Variants in PSD3 observed in about 807,000 individuals in gnomAD.
PSD3 encodes PH and SEC7 domain-containing protein 3.
In PSD3, 49 loss-of-function variants were observed where a neutral mutation model predicts 105.5. The ratio of observed to expected loss-of-function variants is 0.46; its 90% CI spans 0.37 to 0.59. The LOEUF (loss-of-function observed/expected upper bound fraction) is 0.59. PSD3 is among the 20% of genes least tolerant of loss of function. The probability of loss-of-function intolerance (pLI) is 0.00; values close to 1 mark genes in which losing one functional copy is unlikely to be tolerated. For missense variants in PSD3, 1,561 were observed against 1,263.8 expected, an observed-to-expected ratio of 1.24 and a Z score of -3.57; for synonymous variants, 557 against 457.8, an observed-to-expected ratio of 1.22 and a Z score of -2.77.
At chr8:18,782,999 G>C (rs1464202159) in intron 8 of PSD3, among the ~76,000 whole-genome samples, 3 of 152,174 alleles carry the variant, frequency 2.0e-5, no homozygotes, top group Admixed American at 2.0e-4. Flanking sequence ...TTTGGTATCA[G>C]GGTAATAGTG....
chr8:18,854,532 C>T (rs1815849336), intron 4 of PSD3, among the ~76,000 whole-genome samples: 2 of 152,214 alleles, frequency 1.3e-5, no homozygotes, highest in Non-Finnish European at 2.9e-5. Context: ...GGAAAGGAGA[C>T]ATTTGTCCAG....
intron 4 of PSD3, among the ~76,000 whole-genome samples, chr8:18,832,773 G>C (rs1226370838): frequency 6.6e-6 from 1 of 152,196 alleles, no homozygotes; most frequent in East Asian, 1.9e-4. Flanking sequence ...TTACATGGTG[G>C]CAGGCAAAAG....
At chr8:19,053,573 C>T (rs537086328) in intron 1 of PSD3, among the ~76,000 whole-genome samples, 5 of 152,074 alleles carry the variant, frequency 3.3e-5, no homozygotes, top group East Asian at 1.9e-4. Context: ...CCAAGGCAGC[C>T]GGATCACTTG....
chr8:18,738,474 T>G (rs528790554), intron 9 of PSD3, among the ~76,000 whole-genome samples: 56 of 152,342 alleles, frequency 3.7e-4, no homozygotes, highest in African/African-American at 1.2e-3. Flanking sequence ...ATACTGTGAA[T>G]AGTTGCTTTT....
chr8:18,722,965 G>C (rs911094444), intron 9 of PSD3, among the ~76,000 whole-genome samples: 3 of 152,148 alleles, frequency 2.0e-5, no homozygotes, highest in Admixed American at 6.5e-5. Flanking sequence ...TATCAGTTTT[G>C]TTTCCCTATT....
intron 14 of PSD3, among the ~76,000 whole-genome samples, chr8:18,563,618 T>C (rs886283293): frequency 6.6e-6 from 1 of 152,194 alleles, no homozygotes; most frequent in Admixed American, 6.5e-5. Flanking sequence ...TTAAACACAG[T>C]ATTTAATGAG....
chr8:18,868,731 C>T (rs1398191330), intron 3 of PSD3, among the ~76,000 whole-genome samples: 1 of 152,186 alleles, frequency 6.6e-6, no homozygotes, highest in Admixed American at 6.5e-5. Context: ...CTTTGGCACA[C>T]AAACGTGAAC....
chr8:19,050,599 C>T (rs1828494796), intron 1 of PSD3, among the ~76,000 whole-genome samples: 1 of 152,130 alleles, frequency 6.6e-6, no homozygotes, highest in Non-Finnish European at 1.5e-5. Flanking sequence ...AAAAACCAAA[C>T]ACCGCATATT....
intron 4 of PSD3, among the ~76,000 whole-genome samples, chr8:18,834,955 A>G (rs1286717261): frequency 6.6e-6 from 1 of 152,226 alleles, no homozygotes; most frequent in Admixed American, 6.5e-5. Flanking sequence ...GTAAGCAGAT[A>G]AGAATTAGAC....
At chr8:18,886,930 G>C (rs1818484623) in intron 2 of PSD3, 3 of 152,144 alleles carry the variant, frequency 2.0e-5, no homozygotes, top group African/African-American at 2.4e-5. Context: ...TACCTTGGTA[G>C]CTTACCGAAA....
chr8:18,709,195 G>C (rs999917582), intron 9 of PSD3, among the ~76,000 whole-genome samples: 2 of 152,180 alleles, frequency 1.3e-5, no homozygotes, highest in African/African-American at 2.4e-5. Flanking sequence ...TTTAGACCAG[G>C]AGGAATTCCC....
chr8:18,785,382 C>A (rs1225288213), intron 8 of PSD3, among the ~76,000 whole-genome samples: 1 of 152,196 alleles, frequency 6.6e-6, no homozygotes, highest in Non-Finnish European at 1.5e-5. Context: ...CCTAAAACTT[C>A]ATGAACCAAG....
chr8:18,640,684 G>A (rs1369039378), intron 10 of PSD3, among the ~76,000 whole-genome samples: 2 of 152,116 alleles, frequency 1.3e-5, no homozygotes, highest in Non-Finnish European at 2.9e-5. Flanking sequence ...CCAGTCTTGG[G>A]CAGTTCTTTA....
At chr8:18,836,828 G>T (rs1814147787) in intron 4 of PSD3, among the ~76,000 whole-genome samples, 1 of 152,164 alleles carries the variant, frequency 6.6e-6, no homozygotes, top group South Asian at 2.1e-4. Context: ...TTAGGACAGA[G>T]GTAACCATCC....
intron 2 of PSD3, among the ~76,000 whole-genome samples, chr8:18,874,471 A>G (rs2129457972): frequency 6.6e-6 from 1 of 152,034 alleles, no homozygotes; most frequent in South Asian, 2.1e-4. Context: ...GGCCATTGTT[A>G]CCATTTTTAA....
chr8:18,866,646 G>A (rs1816955132), intron 4 of PSD3, among the ~76,000 whole-genome samples: 2 of 152,034 alleles, frequency 1.3e-5, no homozygotes, highest in African/African-American at 2.4e-5. Context: ...TAGCTACAAT[G>A]TCACAAGGAG....
chr8:18,927,736 G>A (rs545341191), intron 2 of PSD3, among the ~76,000 whole-genome samples: 55 of 152,216 alleles, frequency 3.6e-4, no homozygotes, highest in Middle Eastern at 3.4e-3. Context: ...GCCCAGCCCC[G>A]TCCTGAAGCT....
chr8:18,628,225 A>G (rs1466066483), intron 11 of PSD3, among the ~76,000 whole-genome samples: 4 of 151,956 alleles, frequency 2.6e-5, no homozygotes, highest in African/African-American at 9.7e-5. Context: ...CTATGAATCC[A>G]AGAACCCCAA....
At chr8:19,000,586 G>A (rs1826321591) in intron 1 of PSD3, 1 of 151,734 alleles carries the variant, frequency 6.6e-6, no homozygotes, top group South Asian at 2.1e-4. Flanking sequence ...TATCTTTTAT[G>A]TCCTAGATTG....
Sources: allele counts gnomAD v4.1 joint callset (sites outside exome capture counted in the v4.1 genomes callset), GRCh38; gene constraint gnomAD v4.1.1; transcripts MANE v1.5; gene names NCBI Gene and HGNC (gene_info 2026-07-23, HGNC 2026-07-21).